The following PRKCE variants were observed in gnomAD, a reference collection of about 807,000 sequenced individuals.
PRKCE encodes the protein protein kinase C epsilon type.
PRKCE carries 16 observed loss-of-function variants against 85.4 expected under a neutral mutation model. The ratio of observed to expected loss-of-function variants is 0.19; its 90% CI spans 0.13 to 0.28. The LOEUF is 0.28. Ranked by LOEUF, PRKCE falls within the 10% of genes least tolerant of loss-of-function variation. PRKCE has a pLI of 1.00. For missense variants in PRKCE, 573 were observed against 975.2 expected, an observed-to-expected ratio of 0.59 and a Z score of 5.49; for synonymous variants, 388 against 371.5, an observed-to-expected ratio of 1.04 and a Z score of -0.51.
In PRKCE at chr2:45,661,429, C is replaced by A. The variant is rs188759427; in HGVS notation, c.348+8981C>A. 3.6e-3 allele frequency among the ~76,000 whole-genome samples: 545 copies of A among 151,970 alleles called. 3 individuals carry two copies. Among genetic ancestry groups the A allele is most frequent in the African/African-American group, 0.012 (491 of 41,446 alleles). Reference sequence around the variant, plus strand: ...AACTCCTGACCTTAAGTGATCCACCCGCCTCAGCCTCCCAAAATTCTGGGA... The same window carrying A: ...AACTCCTGACCTTAAGTGATCCACCAGCCTCAGCCTCCCAAAATTCTGGGA... On this transcript the variant is annotated intron_variant, in intron 1 of 14. Transcript: ENST00000306156.
intron 1 of PRKCE, among the ~76,000 whole-genome samples, chr2:45,810,916 C>T (rs534808429): frequency 3.3e-5 from 5 of 152,276 alleles, no homozygotes; most frequent in Admixed American, 1.3e-4. Context: ...CCTCTAGACT[C>T]GATACCCAAT....
intron 2 of PRKCE, chr2:45,852,032 G>A (rs1210655519): frequency 6.6e-6 from 1 of 152,490 alleles, no homozygotes; most frequent in African/African-American, 2.4e-5. Flanking sequence ...CACCTCGCTG[G>A]ACAGACAATC....
At chr2:45,971,783 G>A (rs1702125812) in intron 2 of PRKCE, among the ~76,000 whole-genome samples, 2 of 152,320 alleles carry the variant, frequency 1.3e-5, no homozygotes, top group East Asian at 1.9e-4. Flanking sequence ...TAAGTAGTTG[G>A]AACATACCTT....
chr2:45,766,827 C>A (rs1007193448), intron 1 of PRKCE, among the ~76,000 whole-genome samples: 2 of 152,154 alleles, frequency 1.3e-5, no homozygotes, highest in Non-Finnish European at 2.9e-5. Context: ...ATTGCCTGAG[C>A]TCAGGGGTTC....
At chr2:45,716,506 GCAAGACTCTGT>G (rs960692713) in intron 1 of PRKCE, among the ~76,000 whole-genome samples, 2 of 150,724 alleles carry the variant, frequency 1.3e-5, no homozygotes, top group Non-Finnish European at 2.9e-5. Context: ...GGGAAACAGA[GCAAGACTCTGT>G]CAAGAAAGAA....
intron 2 of PRKCE, among the ~76,000 whole-genome samples, chr2:45,915,344 A>G (rs1697685688): frequency 1.3e-5 from 2 of 152,304 alleles, no homozygotes; most frequent in African/African-American, 4.8e-5. Context: ...TAAGTATTTA[A>G]TGCATCTGTT....
chr2:45,662,108 T>C (rs925908074), intron 1 of PRKCE, among the ~76,000 whole-genome samples: 4 of 152,194 alleles, frequency 2.6e-5, no homozygotes, highest in Non-Finnish European at 1.5e-5. Context: ...TCTGTGCTCT[T>C]AGAAGTTCAT....
chr2:45,711,397 T>A (rs1036821167), intron 1 of PRKCE, among the ~76,000 whole-genome samples: 2 of 152,212 alleles, frequency 1.3e-5, no homozygotes, highest in African/African-American at 4.8e-5. Context: ...ACCTATGACC[T>A]GGGTGACCTG....
chr2:45,952,314 A>G (rs1574002136), intron 2 of PRKCE, among the ~76,000 whole-genome samples: 2 of 152,234 alleles, frequency 1.3e-5, no homozygotes, highest in African/African-American at 2.4e-5. Context: ...TCATTACACC[A>G]TGCTGCCCCT....
chr2:45,868,335 A>AAAC (rs1693791142), intron 2 of PRKCE, among the ~76,000 whole-genome samples: 1 of 149,640 alleles, frequency 6.7e-6, no homozygotes, highest in Non-Finnish European at 1.5e-5. Context: ...AAAAAAAAAA[A>AAAC]AAAAAAACTT....
At position 45,681,147 on chromosome 2, in the gene PRKCE, G is replaced by A. The variant is rs149735993; in HGVS notation, c.348+28699G>A. 2.0e-4 allele frequency among the ~76,000 whole-genome samples: 30 copies of A among 151,862 alleles called. 1 individual carries two copies. The South Asian group carries it at 6.1e-3, about 31-fold the overall frequency. On this transcript the variant is annotated intron_variant, in intron 1 of 14. Coordinates refer to ENST00000306156, the MANE Select transcript of PRKCE (RefSeq NM_005400.3). ...CTACTAAAAATACAAAAATTAGCTG[G>A]GTGTGGTAGCATGCACCTGTAATCC...
chr2:45,887,568 C>T (rs1695394605), intron 2 of PRKCE, among the ~76,000 whole-genome samples: 1 of 152,056 alleles, frequency 6.6e-6, no homozygotes, highest in Non-Finnish European at 1.5e-5. Flanking sequence ...GCCACTCCTA[C>T]AGATGAAGCC....
intron 10 of PRKCE, among the ~76,000 whole-genome samples, chr2:46,029,143 T>C (rs1033338407): frequency 6.6e-6 from 1 of 152,208 alleles, no homozygotes; most frequent in Non-Finnish European, 1.5e-5. Flanking sequence ...ATACCTGTCA[T>C]TTTTTAAAGC....
chr2:45,966,706 G>T (rs984773685), intron 2 of PRKCE, among the ~76,000 whole-genome samples: 7 of 152,116 alleles, frequency 4.6e-5, no homozygotes, highest in African/African-American at 1.7e-4. Flanking sequence ...GCCCAGCCCA[G>T]TCTTTCTGAC....
chr2:45,817,011 G>A (rs1472312871), intron 1 of PRKCE, among the ~76,000 whole-genome samples: 3 of 151,654 alleles, frequency 2.0e-5, no homozygotes, highest in African/African-American at 7.3e-5. Flanking sequence ...ACAGAACATT[G>A]GGGACAAAGA....
rs148626829 is a variant in PRKCE, at chr2:46,157,001, C to T, written c.1921-2605C>T. On this transcript the variant is annotated intron_variant, in intron 13 of 14. Coordinates refer to ENST00000306156, the MANE Select transcript of PRKCE (RefSeq NM_005400.3). ...TATACAATGGTAGGAATGCTGTACA[C>T]GTATCTCATTTTCCTGTCGATGGTG... Among the ~76,000 whole-genome samples, 969 of 152,306 alleles carry T rather than the reference C, an allele frequency of 6.4e-3. 7 individuals are homozygous for T. The highest frequency in any genetic ancestry group is 0.017 in the Middle Eastern group (5 of 294).
chr2:46,007,313 G>A, intron 8 of PRKCE, 149 bp from the exon 9 acceptor site: 1 of 739,184 alleles, frequency 1.4e-6, no homozygotes, highest in Admixed American at 2.5e-5. Flanking sequence ...ACAGATGAAG[G>A]AACATACAAA....
chr2:45,794,246 A>T (rs1573382239), intron 1 of PRKCE, among the ~76,000 whole-genome samples: 1 of 152,142 alleles, frequency 6.6e-6, no homozygotes, highest in African/African-American at 2.4e-5. Context: ...GCGATTGCTC[A>T]TGTGGATCCT....
chr2:45,805,596 C>CT (rs529307964), intron 1 of PRKCE, among the ~76,000 whole-genome samples: 3,993 of 142,572 alleles, frequency 0.028, 72 homozygotes, highest in Non-Finnish European at 0.036. Flanking sequence ...TTACCTTCCT[C>CT]TTTTTTTTTT....
Sources: gnomAD v4.1 joint callset for allele counts (sites outside exome capture counted in the v4.1 genomes callset) on GRCh38, gnomAD v4.1.1 for gene constraint, MANE v1.5 for transcripts, NCBI Gene and HGNC (gene_info 2026-07-23, HGNC 2026-07-21) for gene names.